Variants in RAD51B observed in about 807,000 individuals in gnomAD.
RAD51B encodes the protein RAD51 paralog B, also known as DNA repair protein RAD51 homolog 2.
RAD51B carries 38 observed loss-of-function variants against 42.2 expected under a neutral mutation model. That is an observed-to-expected ratio of 0.90 (90% CI 0.70 to 1.18). The LOEUF (loss-of-function observed/expected upper bound fraction) is 1.18. RAD51B is among the 50% of genes most tolerant of loss of function. RAD51B has a pLI of 0.00. For synonymous variants in RAD51B, 154 were observed against 145.2 expected (o/e 1.06, Z -0.43); for missense variants, 373 against 400.7 (o/e 0.93, Z 0.59).
rs536893107 is a variant in RAD51B, at chr14:68,383,603, C to T, written c.854-27821C>T. Among the ~76,000 whole-genome samples, 10 of 152,036 alleles carry T rather than the reference C, an allele frequency of 6.6e-5. No homozygotes were observed. The South Asian group carries it at 2.1e-3, about 32-fold the overall frequency. ...TACTTCCCATGAAAAGCAGCTGACC[C>T]TTAGGGTTGAAAAGTATGTTTATTC... On this transcript the variant is annotated intron_variant, in intron 8 of 10. Coordinates refer to ENST00000471583, the MANE Select transcript of RAD51B (RefSeq NM_133510.4).
intron 8 of RAD51B, among the ~76,000 whole-genome samples, chr14:68,320,259 A>G (rs1011397818): frequency 1.3e-5 from 2 of 152,258 alleles, no homozygotes; most frequent in African/African-American, 4.8e-5. Context: ...TAGACGCAGA[A>G]ATCTGGGCAC....
At chr14:68,212,823 T>G (rs2079738491) in intron 7 of RAD51B, among the ~76,000 whole-genome samples, 1 of 152,244 alleles carries the variant, frequency 6.6e-6, no homozygotes, top group African/African-American at 2.4e-5. Flanking sequence ...AAAACATTCC[T>G]ATTTCTAACA....
At chr14:67,857,459 G>T (rs1410838860) in intron 4 of RAD51B, among the ~76,000 whole-genome samples, 1 of 152,070 alleles carries the variant, frequency 6.6e-6, no homozygotes, top group East Asian at 1.9e-4. Context: ...TAACTTTTCA[G>T]CTATTTTTTA....
intron 10 of RAD51B, among the ~76,000 whole-genome samples, chr14:68,558,974 C>T (rs1361359382): frequency 6.6e-6 from 1 of 151,624 alleles, no homozygotes; most frequent in Non-Finnish European, 1.5e-5. Context: ...CATATAGTGT[C>T]ATATACACAC....
intron 10 of RAD51B, among the ~76,000 whole-genome samples, chr14:68,493,175 AT>A (rs2140284472): frequency 6.6e-6 from 1 of 152,200 alleles, no homozygotes; most frequent in Admixed American, 6.5e-5. Context: ...TGCCCTTCCC[AT>A]CCCCCCGGCC....
intron 7 of RAD51B, among the ~76,000 whole-genome samples, chr14:68,283,310 G>A (rs2081355090): frequency 6.6e-6 from 1 of 152,192 alleles, no homozygotes; most frequent in South Asian, 2.1e-4. Context: ...TGATCAGGTA[G>A]CAGGCAAGGA....
At chr14:68,474,884 T>C (rs1882427448) in intron 10 of RAD51B, among the ~76,000 whole-genome samples, 1 of 152,238 alleles carries the variant, frequency 6.6e-6, no homozygotes, top group Admixed American at 6.5e-5. Flanking sequence ...ATGATAGAGA[T>C]GTACTGCTTC....
chr14:68,135,949 G>C (rs1476052973), intron 7 of RAD51B, among the ~76,000 whole-genome samples: 1 of 152,132 alleles, frequency 6.6e-6, no homozygotes, highest in Non-Finnish European at 1.5e-5. Context: ...GAACAAGCTA[G>C]CTAATCAGAT....
At chr14:68,321,106 T>G (rs145673666) in intron 8 of RAD51B, among the ~76,000 whole-genome samples, 157 of 152,214 alleles carry the variant, frequency 1.0e-3, no homozygotes, top group African/African-American at 3.7e-3. Context: ...ACCACTAACT[T>G]CTCACGATTT....
At chr14:68,090,559 G>T (rs1288606494) in intron 7 of RAD51B, among the ~76,000 whole-genome samples, 1 of 152,014 alleles carries the variant, frequency 6.6e-6, no homozygotes, top group Non-Finnish European at 1.5e-5. Flanking sequence ...AGGTGCAAAT[G>T]TGTGATGTTA....
intron 7 of RAD51B, among the ~76,000 whole-genome samples, chr14:68,046,419 A>G (rs2076301165): frequency 6.6e-6 from 1 of 152,186 alleles, no homozygotes; most frequent in Admixed American, 6.5e-5. Flanking sequence ...GCTTGGCCCT[A>G]AAACTTTTAG....
intron 8 of RAD51B, among the ~76,000 whole-genome samples, chr14:68,374,004 A>G (rs992699837): frequency 5.3e-5 from 8 of 152,196 alleles, no homozygotes; most frequent in African/African-American, 1.9e-4. Context: ...TGGGCACCTT[A>G]TATTTGTGTG....
At chr14:68,216,962 G>A (rs1208643703) in intron 7 of RAD51B, among the ~76,000 whole-genome samples, 10 of 152,160 alleles carry the variant, frequency 6.6e-5, no homozygotes, top group African/African-American at 2.4e-4. Flanking sequence ...AGCCTGACTT[G>A]TAGGAAACCT....
chr14:67,929,435 C>G lies in RAD51B; in HGVS notation c.756+42231C>G, dbSNP rs373045372. Among the ~76,000 whole-genome samples the G allele has an allele frequency of 7.2e-5, 11 of 152,182 alleles. No homozygotes were observed. The East Asian group carries it at 9.6e-4, about 13-fold the overall frequency. On this transcript the variant is annotated intron_variant, in intron 7 of 10. Transcript: ENST00000471583. ...CTTGGCATTGATTTCTAGTTTTATT[C>G]CATTGTGATCTAAGATACTTGATAT...
At chr14:67,935,934 A>G (rs1439548993) in intron 7 of RAD51B, among the ~76,000 whole-genome samples, 1 of 152,158 alleles carries the variant, frequency 6.6e-6, no homozygotes. Flanking sequence ...CAGTAGGCCA[A>G]CGTCTGTTTG....
chr14:68,524,216 C>T (rs1886777273), intron 10 of RAD51B, among the ~76,000 whole-genome samples: 1 of 152,134 alleles, frequency 6.6e-6, no homozygotes, highest in African/African-American at 2.4e-5. Context: ...TCCTGACCGA[C>T]CGACAGAGAG....
intron 7 of RAD51B, among the ~76,000 whole-genome samples, chr14:68,072,103 A>C (rs989387734): frequency 7.6e-6 from 1 of 131,952 alleles, no homozygotes; most frequent in Non-Finnish European, 1.6e-5. Flanking sequence ...ATAATATATA[A>C]AATATAAAAA....
rs139928232 is a variant in RAD51B, at chr14:68,581,442, T to C, written c.1037-13043T>C. Among the ~76,000 whole-genome samples the C allele has an allele frequency of 1.1e-3, 166 of 152,316 alleles. 1 individual carries two copies. Among genetic ancestry groups the C allele is most frequent in the African/African-American group, 3.6e-3 (150 of 41,562 alleles). ...TTAGGTGGATCCAGTGCATTTTCAC[T>C]GGTATTTCCAGCTCACCCTGCATTT... On this transcript the variant is annotated intron_variant, in intron 10 of 10. Transcript: ENST00000487270.
chr14:68,027,658 T>C (rs907213087), intron 7 of RAD51B, among the ~76,000 whole-genome samples: 1 of 152,230 alleles, frequency 6.6e-6, no homozygotes, highest in Non-Finnish European at 1.5e-5. Context: ...AATTATGAAA[T>C]TCTTGTAGTG....
Sources: gnomAD v4.1 joint callset for allele counts (sites outside exome capture counted in the v4.1 genomes callset) on GRCh38, gnomAD v4.1.1 for gene constraint, MANE v1.5 for transcripts, NCBI Gene and HGNC (gene_info 2026-07-23, HGNC 2026-07-21) for gene names.